Variants in ADAMTS3 observed in about 807,000 individuals in gnomAD.
The protein encoded by ADAMTS3 is ADAM metallopeptidase with thrombospondin type 1 motif 3.
Under a neutral mutation model 129.0 loss-of-function variants are expected in ADAMTS3, and 73 were observed. That is an observed-to-expected ratio of 0.57 (90% confidence interval 0.47 to 0.69). The LOEUF (loss-of-function observed/expected upper bound fraction) is 0.69, where lower values mean the gene tolerates loss of function less well. ADAMTS3 is among the 30% of genes least tolerant of loss of function. The pLI is 0.00. For synonymous variants in ADAMTS3, 477 were observed against 510.8 expected, an observed-to-expected ratio of 0.93 and a Z score of 0.89; for missense variants, 1,457 against 1,514.5, an observed-to-expected ratio of 0.96 and a Z score of 0.63.
At chr4:72,302,760 T>A (rs144681869) in intron 17 of ADAMTS3, among the ~76,000 whole-genome samples, 7 of 152,178 alleles carry the variant, frequency 4.6e-5, no homozygotes, top group African/African-American at 1.7e-4. Flanking sequence ...GAGAAAAATC[T>A]TAAAAAGCAG....
chr4:72,491,077 A>G (rs1469591269), intron 3 of ADAMTS3, among the ~76,000 whole-genome samples: 1 of 151,712 alleles, frequency 6.6e-6, no homozygotes, highest in Non-Finnish European at 1.5e-5. Flanking sequence ...CTTTTTGTTG[A>G]CATTACGAAT....
At position 72,336,920 on chromosome 4, in the gene ADAMTS3, C is replaced by T. The variant is rs948685107; in HGVS notation, c.861+2574G>A. On this transcript the variant is annotated intron_variant, in intron 5 of 21. Transcript: ENST00000286657. ...ATTGCCATATGTCCCTGGGAACTGACGTGGACACAAATTATCCTCAGTTGA... is the reference window on the plus strand; with the variant it reads ...ATTGCCATATGTCCCTGGGAACTGATGTGGACACAAATTATCCTCAGTTGA... Among the ~76,000 whole-genome samples, 9 of 151,280 alleles carry T rather than the reference C, an allele frequency of 5.9e-5. No individual in the cohort carries two copies. The East Asian group carries it at 7.9e-4, about 13-fold the overall frequency.
At chr4:72,557,858 A>ATTTTG (rs1271891633) in intron 2 of ADAMTS3, among the ~76,000 whole-genome samples, 1 of 151,846 alleles carries the variant, frequency 6.6e-6, no homozygotes, top group Non-Finnish European at 1.5e-5. Context: ...AGTAAAAAAC[A>ATTTTG]TTTTGTTTTT....
chr4:72,502,347 T>C (rs1469334693), intron 3 of ADAMTS3, among the ~76,000 whole-genome samples: 1 of 152,162 alleles, frequency 6.6e-6, no homozygotes, highest in Non-Finnish European at 1.5e-5. Context: ...TCTTGGAAGG[T>C]TGCGTGTTTC....
intron 3 of ADAMTS3, among the ~76,000 whole-genome samples, chr4:72,421,680 A>T (rs1722449097): frequency 6.6e-6 from 1 of 152,192 alleles, no homozygotes; most frequent in Non-Finnish European, 1.5e-5. Context: ...GGCTGAAGAG[A>T]TATTACAAGG....
At chr4:72,509,448 G>C (rs1010687900) in intron 3 of ADAMTS3, among the ~76,000 whole-genome samples, 19 of 150,058 alleles carry the variant, frequency 1.3e-4, no homozygotes, top group African/African-American at 4.8e-4. Context: ...ACAACAAATA[G>C]TGCAGAAATT....
intron 19 of ADAMTS3, 133 bp from the exon 20 acceptor site, chr4:72,291,195 G>A (rs1198532513): frequency 2.4e-6 from 2 of 838,570 alleles, no homozygotes; most frequent in Non-Finnish European, 3.7e-6. Flanking sequence ...TTCAGGAAGT[G>A]GTTTCAGAAA....
chr4:72,291,901 T>C (rs565491843), intron 19 of ADAMTS3, among the ~76,000 whole-genome samples: 5 of 152,338 alleles, frequency 3.3e-5, no homozygotes, highest in African/African-American at 1.2e-4. Context: ...TCAAATAGGA[T>C]GTGGCTGAAA....
intron 3 of ADAMTS3, among the ~76,000 whole-genome samples, chr4:72,505,433 C>T (rs572522277): frequency 1.2e-4 from 18 of 152,252 alleles, no homozygotes; most frequent in African/African-American, 4.3e-4. Flanking sequence ...GGGTAAGAGC[C>T]GGCTATGGCC....
In ADAMTS3 at chr4:72,457,701, T is replaced by C. The variant is rs142562365; in HGVS notation, c.505-42730A>G. Among the ~76,000 whole-genome samples the C allele has an allele frequency of 6.5e-3, 990 of 151,764 alleles. 6 individuals carry two copies. The highest frequency in any genetic ancestry group is 0.023 in the African/African-American group (942 of 41,488). On this transcript the variant is annotated intron_variant, in intron 3 of 21. Coordinates refer to ENST00000286657, the MANE Select transcript of ADAMTS3 (RefSeq NM_014243.3). ...AATGAAACAGCTAACCAGTGGCAGG[T>C]CTAAGGTAGAAAGATTCCACAGCAT... is the stretch of plus-strand genomic sequence containing the variant.
chr4:72,457,848 T>TTTGTTGTTG (rs35050154), intron 3 of ADAMTS3, among the ~76,000 whole-genome samples: 2 of 151,056 alleles, frequency 1.3e-5, no homozygotes, highest in African/African-American at 4.8e-5. Flanking sequence ...ACTCTCTTGT[T>TTTGTTGTTG]TTGTTGTTGT....
At chr4:72,321,623 T>TA (rs2109809761) in intron 6 of ADAMTS3, among the ~76,000 whole-genome samples, 1 of 152,338 alleles carries the variant, frequency 6.6e-6, no homozygotes, top group Non-Finnish European at 1.5e-5. Flanking sequence ...TGTGAAGGTA[T>TA]AAAATCTTAG....
intron 3 of ADAMTS3, among the ~76,000 whole-genome samples, chr4:72,416,446 C>T (rs1722307835): frequency 6.6e-6 from 1 of 151,946 alleles, no homozygotes; most frequent in Admixed American, 6.6e-5. Context: ...CCGTGTCTCA[C>T]AAGAAAACAT....
At chr4:72,396,334 C>T (rs973588388) in intron 4 of ADAMTS3, among the ~76,000 whole-genome samples, 1 of 151,982 alleles carries the variant, frequency 6.6e-6, no homozygotes, top group African/African-American at 2.4e-5. Context: ...AGCTAAAAAA[C>T]AGATTTCAAT....
In ADAMTS3 at chr4:72,281,697, T is replaced by C. The variant is rs910486706; in HGVS notation, c.*1439A>G. On this transcript the variant is annotated 3_prime_UTR_variant, in exon 22 of 22. Coordinates refer to ENST00000286657, the MANE Select transcript of ADAMTS3 (RefSeq NM_014243.3). ...TTAGCTTTTGAGTTGGCTGTAGTAG[T>C]TTGCTTAAAGGTCTCTATGCACAGA... is the stretch of plus-strand genomic sequence containing the variant. 6.6e-6 allele frequency: 1 copy of C among 152,176 alleles called. No homozygotes were observed. The highest frequency in any genetic ancestry group is 1.5e-5 in the Non-Finnish European group (1 of 68,024). The allele number at this position is 152,176 out of a possible 1,614,324, so 9.4% of individuals were successfully genotyped here. A position where few individuals can be genotyped will look rare whatever the true frequency, so the allele number is the denominator to read the frequency against.
intron 3 of ADAMTS3, among the ~76,000 whole-genome samples, chr4:72,417,802 A>C (rs1282882108): frequency 6.6e-6 from 1 of 151,476 alleles, no homozygotes; most frequent in Non-Finnish European, 1.5e-5. Context: ...GCGTGGTGGC[A>C]GGCGCCTGTA....
At chr4:72,402,352 T>C (rs961617041) in intron 4 of ADAMTS3, among the ~76,000 whole-genome samples, 4 of 152,212 alleles carry the variant, frequency 2.6e-5, no homozygotes, top group Non-Finnish European at 4.4e-5. Context: ...AAGTATGCTA[T>C]ACTATTTGAT....
intron 3 of ADAMTS3, among the ~76,000 whole-genome samples, chr4:72,518,319 A>T (rs1312477434): frequency 4.6e-5 from 7 of 152,220 alleles, no homozygotes; most frequent in South Asian, 2.1e-4. Flanking sequence ...TTCTGTTGAT[A>T]TGGGGTGGAG....
intron 4 of ADAMTS3, among the ~76,000 whole-genome samples, chr4:72,380,356 G>A (rs929921529): frequency 2.0e-5 from 3 of 152,022 alleles, no homozygotes; most frequent in Non-Finnish European, 4.4e-5. Flanking sequence ...GACCTAAAAG[G>A]ATTCAAGGGT....
Sources: gnomAD v4.1 joint callset for allele counts (sites outside exome capture counted in the v4.1 genomes callset) on GRCh38, gnomAD v4.1.1 for gene constraint, MANE v1.5 for transcripts, NCBI Gene and HGNC (gene_info 2026-07-23, HGNC 2026-07-21) for gene names.